TMEM170A: variants seen among roughly 807,000 people sequenced by gnomAD.
The protein encoded by TMEM170A is transmembrane protein 170A, also known as transmembrane protein 170.
Under a neutral mutation model 12.8 loss-of-function variants are expected in TMEM170A, and 18 were observed. The observed-to-expected ratio is 1.41, with a 90% confidence interval of 0.97 to 2.09. TMEM170A has a LOEUF of 2.09. Among genes scored for constraint, TMEM170A ranks in the 30% most tolerant of loss-of-function variants. The pLI is 0.00. For missense variants in TMEM170A, 220 were observed against 179.9 expected (o/e 1.22, Z -1.28); for synonymous variants, 107 against 76.2 (o/e 1.40, Z -2.11).
intron 1 of TMEM170A, among the ~76,000 whole-genome samples, chr16:75,462,395 G>C (rs139851541): frequency 2.6e-5 from 4 of 152,300 alleles, no homozygotes; most frequent in Admixed American, 1.3e-4. Flanking sequence ...TTTTAGTAGA[G>C]ACAAGGTTTT....
rs552003930 is a variant in TMEM170A, at chr16:75,451,826, A to C, written c.147T>G (p.Gly49=). 3.1e-6 allele frequency: 5 copies of C among 1,612,116 alleles called. No individual in the cohort carries two copies. Among genetic ancestry groups the C allele is most frequent in the Non-Finnish European group, 4.2e-6 (5 of 1,178,992 alleles). The change falls in exon 2 of 3, where the codon GGT becomes GGG. Residue 49 remains glycine (G), a synonymous_variant. Coordinates refer to ENST00000561878, the MANE Select transcript of TMEM170A (RefSeq NM_145254.3). ...AAGACACCAGTGCCCACAGGAATAC[A>C]CCATACCACATCTCTATGAGGGAAG... ...SLCSFPEMWY[G]VFLWALVSSL...
intron 1 of TMEM170A, among the ~76,000 whole-genome samples, chr16:75,461,807 C>T (rs1011131547): frequency 6.6e-6 from 1 of 152,214 alleles, no homozygotes; most frequent in Non-Finnish European, 1.5e-5. Flanking sequence ...ATCGACATCA[C>T]AAGTTACATA....
intron 1 of TMEM170A, among the ~76,000 whole-genome samples, chr16:75,455,139 C>T (rs553744050): frequency 8.0e-4 from 121 of 152,198 alleles, no homozygotes; most frequent in African/African-American, 2.8e-3. Flanking sequence ...AGGCAGATCA[C>T]GAGGTCAGAA....
chr16:75,462,184 A>C (rs992765883), intron 1 of TMEM170A, among the ~76,000 whole-genome samples: 1 of 152,246 alleles, frequency 6.6e-6, no homozygotes, highest in African/African-American at 2.4e-5. Flanking sequence ...AAATGATCAA[A>C]CTTAGTATTA....
intron 1 of TMEM170A, chr16:75,459,123 A>ACCT (rs1344352932): frequency 1.3e-5 from 2 of 152,160 alleles, no homozygotes; most frequent in Admixed American, 1.3e-4. Flanking sequence ...CGAACTCCTG[A>ACCT]CCTCAGGTGA....
intron 1 of TMEM170A, among the ~76,000 whole-genome samples, chr16:75,452,100 T>G (rs1438286015): frequency 6.6e-6 from 1 of 151,984 alleles, no homozygotes; most frequent in African/African-American, 2.4e-5. Context: ...GCCTCCCGAG[T>G]AGCTGGGACT....
chr16:75,456,336 AC>A (rs1408475461), intron 1 of TMEM170A, among the ~76,000 whole-genome samples: 4 of 152,092 alleles, frequency 2.6e-5, no homozygotes, highest in Non-Finnish European at 5.9e-5. Flanking sequence ...CATCTGTAAT[AC>A]CAGCACTTTG....
In TMEM170A at chr16:75,451,594, T is replaced by C. The variant is rs970209011; in HGVS notation, c.304+75A>G. On this transcript the variant is annotated intron_variant, in intron 2 of 2. Transcript: ENST00000561878. ...CTCTTTCCTTCATCCTACTCAGATA[T>C]GTTTTCTAGAATAGGTCCTGAAATT... 6.7e-6 allele frequency: 10 copies of C among 1,488,120 alleles called. No homozygotes were observed. The African/African-American group carries it at 8.3e-5, about 12-fold the overall frequency. 92.2% of individuals were successfully genotyped at this position (1,488,120 alleles called of 1,614,324 possible). A position where few individuals can be genotyped will look rare whatever the true frequency, so the allele number is the denominator to read the frequency against.
rs1448371815 is a variant in TMEM170A, at chr16:75,443,443, C to T, written c.*4115G>A. 2 of 152,146 alleles carry T rather than the reference C, an allele frequency of 1.3e-5. No homozygotes were observed. The highest frequency in any genetic ancestry group is 2.9e-5 in the Non-Finnish European group (2 of 68,042). 9.4% of individuals were successfully genotyped at this position (152,146 alleles called of 1,614,324 possible). A position where few individuals can be genotyped will look rare whatever the true frequency, so the allele number is the denominator to read the frequency against. On this transcript the variant is annotated 3_prime_UTR_variant, in exon 3 of 3. Transcript: ENST00000561878. ...AGTGCACAAAAAAGAAATGCAAGTACACGACATTTCTGCATATGGTCTGCT... is the reference window on the plus strand; with the variant it reads ...AGTGCACAAAAAAGAAATGCAAGTATACGACATTTCTGCATATGGTCTGCT...
At chr16:75,450,202 C>G (rs1191519839) in intron 2 of TMEM170A, among the ~76,000 whole-genome samples, 1 of 148,302 alleles carries the variant, frequency 6.7e-6, no homozygotes, top group East Asian at 2.0e-4. Context: ...AAAAAAACAC[C>G]TCAAGTCAAA....
In TMEM170A at chr16:75,464,610, A is replaced by T; in HGVS notation, c.-10T>A. 1.9e-6 allele frequency: 3 copies of T among 1,580,994 alleles called. No individual in the cohort carries two copies. The highest frequency in any genetic ancestry group is 2.6e-6 in the Non-Finnish European group (3 of 1,166,798). On this transcript the variant is annotated 5_prime_UTR_variant, in exon 1 of 3. An upstream start codon of the reference 5' UTR is lost. Coordinates refer to ENST00000561878, the MANE Select transcript of TMEM170A (RefSeq NM_145254.3). ...TCCCCTCGCGCTCCATCCCGTCGCC[A>T]TTCACCACAGAGAAATGAGGGACGA...
intron 1 of TMEM170A, among the ~76,000 whole-genome samples, chr16:75,460,758 G>C (rs1197882753): frequency 6.6e-6 from 1 of 152,148 alleles, no homozygotes; most frequent in Non-Finnish European, 1.5e-5. Context: ...TTGGTGCCTA[G>C]AAAACAACAG....
In TMEM170A at chr16:75,464,569, C is replaced by A; in HGVS notation, c.32G>T (p.Gly11Val). MEREGSGGSG[G>V]SAGLLQQILS... ...GATCTGCTGCAGGAGCCCGGCCGAC[C>A]CGCCGCTGCCGCCGCTCCCCTCGCG... The change falls in exon 1 of 3, where the codon GGG (glycine) becomes GTG (valine). Residue 11 changes from glycine (G) to valine (V), a missense_variant. Transcript: ENST00000561878. 1 of 1,586,116 alleles carries A rather than the reference C, an allele frequency of 6.3e-7. No homozygotes were observed. The highest frequency in any genetic ancestry group is 1.1e-5 in the South Asian group (1 of 88,226).
Position 75,444,211 on chromosome 16 carries a change from G to C in TMEM170A, c.*3347C>G, listed in dbSNP as rs1218347969. On this transcript the variant is annotated 3_prime_UTR_variant, in exon 3 of 3. Transcript: ENST00000561878. ...AGGCCGGGTGTGGTGGCTCATGCCT[G>C]TAATCCCAGCACTTTGGGAGGTGGA... 1.3e-5 allele frequency: 2 copies of C among 152,096 alleles called. No homozygotes were observed. The highest frequency in any genetic ancestry group is 2.9e-5 in the Non-Finnish European group (2 of 68,084). 9.4% of individuals were successfully genotyped at this position (152,096 alleles called of 1,614,324 possible). A position where few individuals can be genotyped will look rare whatever the true frequency, so the allele number is the denominator to read the frequency against.
rs987687461 is a variant in TMEM170A, at chr16:75,444,325, G to A, written c.*3233C>T. Reference sequence around the variant, plus strand: ...CAAAAAATTAGCTGGGCATGGTGGTGGACGTCCGTAGTCCCAGCTACTCGG... The same window carrying A: ...CAAAAAATTAGCTGGGCATGGTGGTAGACGTCCGTAGTCCCAGCTACTCGG... On this transcript the variant is annotated 3_prime_UTR_variant, in exon 3 of 3. Transcript: ENST00000561878. 6.6e-5 allele frequency: 10 copies of A among 152,304 alleles called. No homozygotes were observed. The highest frequency in any genetic ancestry group is 2.4e-4 in the African/African-American group (10 of 41,496). 9.4% of individuals were successfully genotyped at this position (152,304 alleles called of 1,614,324 possible). A position where few individuals can be genotyped will look rare whatever the true frequency, so the allele number is the denominator to read the frequency against.
rs1424204641 is a variant in TMEM170A, at chr16:75,443,110, A to C, written c.*4448T>G. On this transcript the variant is annotated 3_prime_UTR_variant, in exon 3 of 3. Coordinates refer to ENST00000561878, the MANE Select transcript of TMEM170A (RefSeq NM_145254.3). ...TTGAACAAGAATTTTATCATAAATT[A>C]GTAAGAAGTAGAACATAAAAAAAGT... 2.6e-5 allele frequency: 4 copies of C among 152,224 alleles called. No individual in the cohort carries two copies. Among genetic ancestry groups the C allele is most frequent in the Non-Finnish European group, 4.4e-5 (3 of 68,044 alleles). The allele number at this position is 152,224 out of a possible 1,614,324, so 9.4% of individuals were successfully genotyped here. A position where few individuals can be genotyped will look rare whatever the true frequency, so the allele number is the denominator to read the frequency against.
chr16:75,457,522 T>C (rs2079821386), intron 1 of TMEM170A, among the ~76,000 whole-genome samples: 1 of 152,136 alleles, frequency 6.6e-6, no homozygotes, highest in African/African-American at 2.4e-5. Flanking sequence ...AACCCAACCA[T>C]CCTGGCACCC....
At chr16:75,461,785 C>T (rs1204269951) in intron 1 of TMEM170A, among the ~76,000 whole-genome samples, 1 of 152,160 alleles carries the variant, frequency 6.6e-6, no homozygotes, top group Non-Finnish European at 1.5e-5. Context: ...ACTGAATAAA[C>T]GATCTCTGGT....
chr16:75,446,359 T>TAA lies in TMEM170A; in HGVS notation c.*1197_*1198dup, dbSNP rs1365134081. 2.6e-5 allele frequency: 4 copies of TAA among 152,124 alleles called. No individual in the cohort carries two copies. Among genetic ancestry groups the TAA allele is most frequent in the African/African-American group, 9.7e-5 (4 of 41,416 alleles). The allele number at this position is 152,124 out of a possible 1,614,324, so 9.4% of individuals were successfully genotyped here. The stretch of plus-strand genomic sequence containing the variant: ...AAAGAGTCACAGTTTTCAGGCCTTT[T>TAA]AATGAAAAAGAAAGTTAGGCAGTAG... On this transcript the variant is annotated 3_prime_UTR_variant, in exon 3 of 3. Coordinates refer to ENST00000561878, the MANE Select transcript of TMEM170A (RefSeq NM_145254.3).
Sources: allele counts gnomAD v4.1 joint callset (sites outside exome capture counted in the v4.1 genomes callset), GRCh38; gene constraint gnomAD v4.1.1; transcripts MANE v1.5; gene names NCBI Gene and HGNC (gene_info 2026-07-23, HGNC 2026-07-21).